Variants in MYNN observed in about 807,000 individuals in gnomAD.
MYNN encodes myoneurin, also known as zinc finger and BTB domain-containing protein 31.
In MYNN, 22 loss-of-function variants were observed where a neutral mutation model predicts 57.2. The observed-to-expected ratio is 0.38, with a 90% CI of 0.27 to 0.55. The LOEUF is 0.55. Ranked by LOEUF, MYNN falls within the 20% of genes least tolerant of loss-of-function variation. The pLI is 0.71. For missense variants in MYNN, 566 were observed against 723.1 expected (o/e 0.78, Z 2.49); for synonymous variants, 241 against 257.1 (o/e 0.94, Z 0.60).
At chr3:169,773,519 T>C in intron 1 of MYNN, 57 bp downstream of exon 1, 1 of 152,656 alleles carries the variant, frequency 6.6e-6, no homozygotes, top group Non-Finnish European at 1.5e-5. Context: ...GCCTGGGCCA[T>C]CAGAGGGCAG....
rs1364334723 is a variant in MYNN at position 169,780,528 on chromosome 3, T to G, written c.1061-62T>G. 8.1e-6 allele frequency: 10 copies of G among 1,240,020 alleles called. No homozygotes were observed. The East Asian group carries it at 2.5e-4, about 31-fold the overall frequency. 76.8% of individuals were successfully genotyped at this position (1,240,020 alleles called of 1,614,324 possible). A position where few individuals can be genotyped will look rare whatever the true frequency, so the allele number is the denominator to read the frequency against. The stretch of plus-strand genomic sequence containing the variant: ...AAAGCTAGTACTGTTGATGAAATCT[T>G]ATATGACTTATGCAACCAAAACACT... On this transcript the variant is annotated intron_variant, in intron 3 of 7. Coordinates refer to ENST00000349841, the MANE Select transcript of MYNN (RefSeq NM_018657.5).
Position 169,786,829 on chromosome 3 carries a change from G to A in MYNN, c.*151G>A, listed in dbSNP as rs1167391248. ...AAGCACCTGATGCTGCATCACAACT[G>A]CAATGTTTGTTTTTATTTTTGGCTT... On this transcript the variant is annotated 3_prime_UTR_variant, in exon 8 of 8. Transcript: ENST00000349841. 2.7e-6 allele frequency: 2 copies of A among 741,502 alleles called. No homozygotes were observed. The allele number at this position is 741,502 out of a possible 1,614,324, so 45.9% of individuals were successfully genotyped here.
In MYNN at chr3:169,784,631, C is replaced by T; in HGVS notation, c.1493C>T (p.Pro498Leu). ...KHFRSHTGER[P>L]FICELCGNSY... Reference sequence around the variant, plus strand: ...CTAATTTGTTTTTCAGGAGAAAGACCATTTATCTGCGAATTATGTGGAAAT... The same window carrying T: ...CTAATTTGTTTTTCAGGAGAAAGACTATTTATCTGCGAATTATGTGGAAAT... Residue 498 changes from proline (P) to leucine (L), a missense_variant, in exon 7 of 8, where the codon CCA becomes CTA. This residue lies in a region of MYNN where 156 missense variants were observed against 163.9 expected (regional missense o/e 0.95). Transcript: ENST00000349841. 1 of 1,561,042 alleles carries T rather than the reference C, an allele frequency of 6.4e-7. No individual in the cohort carries two copies. Among genetic ancestry groups the T allele is most frequent in the South Asian group, 1.2e-5 (1 of 83,430 alleles).
At chr3:169,779,637 A>G (rs1382112804) in intron 3 of MYNN, 76 bp downstream of exon 3, 1 of 1,406,634 alleles carries the variant, frequency 7.1e-7, no homozygotes, top group Non-Finnish European at 9.7e-7. Flanking sequence ...AGTACTTAGC[A>G]CACACTACTT....
Position 169,774,557 on chromosome 3 carries a change from G to T in MYNN, c.262G>T (p.Asp88Tyr). 6.2e-7 allele frequency: 1 copy of T among 1,610,278 alleles called. No individual in the cohort carries two copies. Among genetic ancestry groups the T allele is most frequent in the Non-Finnish European group, 8.5e-7 (1 of 1,177,104 alleles). The change falls in exon 2 of 8, where the codon GAC becomes TAC. Residue 88 changes from aspartate to tyrosine, a missense_variant. By Grantham distance (160) the Asp-to-Tyr change is radical (BLOSUM62 -3). Coordinates refer to ENST00000349841, the MANE Select transcript of MYNN (RefSeq NM_018657.5). ...TATATACACAGGAACTTTAAATCTT[G>T]ACAGGTAAAGTACACATTTTATTTT... ...EFIYTGTLNL[D>Y]SWNVKEIHQA...
chr3:169,781,180 T>C (rs1450203070), intron 4 of MYNN, among the ~76,000 whole-genome samples: 1 of 152,168 alleles, frequency 6.6e-6, no homozygotes, highest in Non-Finnish European at 1.5e-5. Flanking sequence ...AAACAGATTG[T>C]ATGTGAAGTC....
chr3:169,775,220 C>T (rs545530928), intron 2 of MYNN, among the ~76,000 whole-genome samples: 13 of 152,252 alleles, frequency 8.5e-5, no homozygotes, highest in African/African-American at 3.1e-4. Flanking sequence ...AAGATGCTTA[C>T]TGATGTCACT....
At chr3:169,783,395 A>G (rs1778574514) in intron 5 of MYNN, 82 bp from the exon 6 acceptor site, 1 of 776,672 alleles carries the variant, frequency 1.3e-6, no homozygotes, top group African/African-American at 1.8e-5. Flanking sequence ...TATTCCAGAA[A>G]AGCTTACTTT....
In MYNN at chr3:169,782,274, A is replaced by G. The variant is rs536775907; in HGVS notation, c.1221-191A>G. 1.6e-4 allele frequency among the ~76,000 whole-genome samples: 24 copies of G among 152,352 alleles called. 1 individual carries two copies. Among genetic ancestry groups the G allele is most frequent in the African/African-American group, 5.3e-4 (22 of 41,580 alleles). On this transcript the variant is annotated intron_variant, in intron 4 of 7. Coordinates refer to ENST00000349841, the MANE Select transcript of MYNN (RefSeq NM_018657.5). The surrounding 1 kb of genome is among the most constrained non-coding windows in gnomAD (Gnocchi z 4.8). ...TGGAAAAACTTTTTGAACTGATCTCAGAACTAATGTTTTGATAATAAGAAA... is the reference window on the plus strand; with the variant it reads ...TGGAAAAACTTTTTGAACTGATCTCGGAACTAATGTTTTGATAATAAGAAA...
intron 2 of MYNN, among the ~76,000 whole-genome samples, chr3:169,776,273 A>G (rs1778339215): frequency 6.6e-6 from 1 of 152,208 alleles, no homozygotes; most frequent in Non-Finnish European, 1.5e-5. Context: ...TCAGCTAGAA[A>G]TGTAAGAGAG....
Position 169,786,436 on chromosome 3 carries a change from T to C in MYNN, c.1591T>C (p.Ser531Pro). Residue 531 changes from serine (S) to proline (P), a missense_variant, in exon 8 of 8, where the codon TCC becomes CCC. Physicochemically the swap from Ser to Pro is moderately conservative, Grantham distance 74. This residue lies in a region of MYNN where 156 missense variants were observed against 163.9 expected (regional missense o/e 0.95). Coordinates refer to ENST00000349841, the MANE Select transcript of MYNN (RefSeq NM_018657.5). Reference sequence around the variant, plus strand: ...TCTAGGTGCAGATAAAACTCTAGACTCCAGTGCAGAGGATCATACTTTGAG... The same window carrying C: ...TCTAGGTGCAGATAAAACTCTAGACCCCAGTGCAGAGGATCATACTTTGAG... ...VHSGADKTLD[S>P]SAEDHTLSEQ... The C allele has an allele frequency of 6.2e-7, 1 of 1,613,172 alleles. No homozygotes were observed. Among genetic ancestry groups the C allele is most frequent in the Non-Finnish European group, 8.5e-7 (1 of 1,179,330 alleles).
At chr3:169,775,774 C>A (rs201569520) in intron 2 of MYNN, among the ~76,000 whole-genome samples, 54 of 152,124 alleles carry the variant, frequency 3.5e-4, no homozygotes, top group South Asian at 4.1e-4. Context: ...TTAATTAATT[C>A]TTTTCCAGAT....
chr3:169,783,327 A>T (rs1778573120), intron 5 of MYNN, 150 bp from the exon 6 acceptor site: 1 of 513,938 alleles, frequency 1.9e-6, no homozygotes, highest in Non-Finnish European at 3.5e-6. Context: ...ATATTCATTT[A>T]CTTGGATCAC....
intron 5 of MYNN, 55 bp from the exon 6 acceptor site, chr3:169,783,422 A>G: frequency 1.0e-6 from 1 of 955,086 alleles, no homozygotes; most frequent in Admixed American, 2.1e-5. Flanking sequence ...TTTGTAATTG[A>G]TAAATATTAT....
chr3:169,786,664 C>T lies in MYNN; in HGVS notation c.1819C>T (p.Gln607Ter). The T allele has an allele frequency of 6.2e-7, 1 of 1,612,438 alleles. No homozygotes were observed. The highest frequency in any genetic ancestry group is 8.5e-7 in the Non-Finnish European group (1 of 1,179,152). Reference sequence around the variant, plus strand: ...TTCAGAACCACAGTTGATTTTTTTACAACAATTATACTGACTTTGTAAGGA... The same window carrying T: ...TTCAGAACCACAGTTGATTTTTTTATAACAATTATACTGACTTTGTAAGGA... Reference protein sequence around the residue: ...GYSEPQLIFLQQLY With the variant: ...GYSEPQLIFL The change falls in exon 8 of 8, where the codon CAA (glutamine) becomes TAA (stop). Residue 607 changes from glutamine (Q) to a stop codon, truncating the protein, a stop_gained. Coordinates refer to ENST00000349841, the MANE Select transcript of MYNN (RefSeq NM_018657.5). LOFTEE classifies it high-confidence loss of function.
intron 6 of MYNN, 46 bp downstream of exon 6, chr3:169,783,606 T>C (rs1219805109): frequency 1.5e-6 from 2 of 1,334,822 alleles, no homozygotes; most frequent in Admixed American, 1.7e-5. Flanking sequence ...TCTCTTAATT[T>C]CTTTTTATGT....
intron 2 of MYNN, among the ~76,000 whole-genome samples, chr3:169,775,488 TGTCA>T (rs1258291002): frequency 1.3e-5 from 2 of 152,198 alleles, no homozygotes; most frequent in African/African-American, 4.8e-5. Context: ...AGATCTTTCC[TGTCA>T]GTCGCTATGT....
rs767730167 is a variant in MYNN at position 169,779,316 on chromosome 3, A to C, written c.815A>C (p.His272Pro). The part of the protein sequence containing the change: ...KSQPNCALKE[H>P]SMSNIASVKS... ...CAGCCAAACTGTGCTCTGAAAGAAC[A>C]CTCTATGTCTAATATAGCCAGCGTC... Residue 272 changes from histidine (H) to proline (P), a missense_variant, in exon 3 of 8, where the codon CAC becomes CCC. Physicochemically the swap from His to Pro is moderately conservative, Grantham distance 77. Coordinates refer to ENST00000349841, the MANE Select transcript of MYNN (RefSeq NM_018657.5). 6.2e-7 allele frequency: 1 copy of C among 1,614,122 alleles called. No individual in the cohort carries two copies. The highest frequency in any genetic ancestry group is 1.7e-5 in the Admixed American group (1 of 60,020).
At chr3:169,781,117 TAAG>T (rs938870333) in intron 4 of MYNN, among the ~76,000 whole-genome samples, 2 of 147,784 alleles carry the variant, frequency 1.4e-5, no homozygotes, top group Admixed American at 6.7e-5. Flanking sequence ...GTGAAAGAAA[TAAG>T]TAGTAGTAGA....
Sources: allele counts gnomAD v4.1 joint callset (sites outside exome capture counted in the v4.1 genomes callset), GRCh38; gene constraint gnomAD v4.1.1; regional missense constraint gnomAD v4.1.1; non-coding constraint Gnocchi (gnomAD v3.1); transcripts MANE v1.5; gene names NCBI Gene and HGNC (gene_info 2026-07-23, HGNC 2026-07-21).